HK3: variants seen among roughly 807,000 people sequenced by gnomAD.
HK3 encodes the protein hexokinase-3.
Under a neutral mutation model 91.0 loss-of-function variants are expected in HK3, and 93 were observed. The observed-to-expected ratio is 1.02, with a 90% CI of 0.86 to 1.21. The LOEUF (loss-of-function observed/expected upper bound fraction) is 1.21, where lower values mean the gene tolerates loss of function less well. Among genes scored for constraint, HK3 ranks in the 50% most tolerant of loss-of-function variants. HK3 has a pLI of 0.00. For synonymous variants in HK3, 519 were observed against 516.9 expected (o/e 1.00, Z -0.06); for missense variants, 1,235 against 1,247.4 (o/e 0.99, Z 0.15).
chr5:176,898,495 G>A (rs1038490688), intron 1 of HK3, among the ~76,000 whole-genome samples: 2 of 150,660 alleles, frequency 1.3e-5, no homozygotes, highest in Admixed American at 1.3e-4. Context: ...GGCTACACAC[G>A]TGTCTTTCTC....
chr5:176,896,207 C>A, intron 1 of HK3, 22 bp from the exon 2 acceptor site: 3 of 1,409,116 alleles, frequency 2.1e-6, no homozygotes, highest in East Asian at 2.3e-5. Flanking sequence ...AAGGGACAAC[C>A]TGGGTCAACC....
chr5:176,886,234 A>G (rs1758581088), intron 13 of HK3, among the ~76,000 whole-genome samples: 1 of 150,354 alleles, frequency 6.7e-6, no homozygotes, highest in Non-Finnish European at 1.5e-5. Flanking sequence ...CTTCATCTCA[A>G]AAAAAAAAAT....
chr5:176,881,656 C>T (rs146173758), intron 17 of HK3, 36 bp downstream of exon 17: 42,748 of 1,611,848 alleles, frequency 0.027, 782 homozygotes, highest in South Asian at 0.061. Context: ...CAGAAAGACC[C>T]CCTGAAGTGG....
intron 6 of HK3, 103 bp from the exon 7 acceptor site, chr5:176,889,847 A>G: frequency 2.3e-6 from 2 of 878,194 alleles, no homozygotes; most frequent in East Asian, 2.5e-5. Flanking sequence ...GGAGATACAT[A>G]GAGTCCATGA....
intron 9 of HK3, 39 bp from the exon 10 acceptor site, chr5:176,888,604 A>T (rs1265844748): frequency 6.2e-7 from 1 of 1,604,116 alleles, no homozygotes; most frequent in Admixed American, 1.7e-5. Flanking sequence ...CTCAGCCCAG[A>T]AGCTCCCCAT....
intron 13 of HK3, among the ~76,000 whole-genome samples, chr5:176,885,583 G>A (rs1351687938): frequency 2.6e-5 from 4 of 152,008 alleles, no homozygotes; most frequent in Admixed American, 1.3e-4. Context: ...TGCCACGCCC[G>A]GCTAATTTTT....
intron 3 of HK3, 62 bp from the exon 4 acceptor site, chr5:176,891,253 T>A: frequency 6.2e-7 from 1 of 1,612,990 alleles, no homozygotes; most frequent in Non-Finnish European, 8.5e-7. Flanking sequence ...CTCTGCCCAC[T>A]TCCCAAATTC....
chr5:176,883,209 T>C (rs781649298), intron 15 of HK3, among the ~76,000 whole-genome samples: 3 of 152,150 alleles, frequency 2.0e-5, no homozygotes, highest in Non-Finnish European at 4.4e-5. Flanking sequence ...TGTCTTCCTA[T>C]TCCTCTGTCC....
chr5:176,894,628 A>G (rs1758861307), intron 2 of HK3, among the ~76,000 whole-genome samples: 1 of 152,178 alleles, frequency 6.6e-6, no homozygotes, highest in South Asian at 2.1e-4. Context: ...ACAAGGGGGA[A>G]GTGGGAGCAT....
intron 2 of HK3, among the ~76,000 whole-genome samples, chr5:176,894,543 G>T (rs1017231823): frequency 9.2e-5 from 14 of 152,172 alleles, no homozygotes; most frequent in African/African-American, 3.4e-4. Context: ...CCCAGCCACC[G>T]CTGTCACTCC....
At position 176,882,058 on chromosome 5, in the gene HK3, C is replaced by T. The variant is rs149259055; in HGVS notation, c.2123G>A (p.Arg708His). Residue 708 changes from arginine to histidine, a missense_variant, in exon 16 of 19, where the codon CGC (arginine) becomes CAC (histidine). Physicochemically the swap from Arg to His is conservative, Grantham distance 29. Around this residue, in one of 3 missense-constraint regions of HK3, gnomAD observed 513 missense variants for 477.4 expected, o/e 1.07. Coordinates refer to ENST00000292432, the MANE Select transcript of HK3 (RefSeq NM_002115.3). ...NVAGVPGDSG[R>H]MCINMEWGAF... The stretch of plus-strand genomic sequence containing the variant: ...GCCCCACTCCATGTTGATGCACATG[C>T]GGCCTGAGTCCCCAGGCACGCCCGC... 1.8e-4 allele frequency: 298 copies of T among 1,613,042 alleles called. 1 individual carries two copies. The African/African-American group carries it at 2.6e-3, about 14-fold the overall frequency.
intron 2 of HK3, among the ~76,000 whole-genome samples, chr5:176,894,025 A>G (rs924669688): frequency 2.0e-5 from 3 of 152,194 alleles, no homozygotes; most frequent in Admixed American, 6.5e-5. Context: ...ATCTAGCAGG[A>G]ACAATAGTAC....
At position 176,887,843 on chromosome 5, in the gene HK3, G is replaced by A; in HGVS notation, c.1305-97C>T. The A allele has an allele frequency of 7.4e-7, 1 of 1,348,746 alleles. No individual in the cohort carries two copies. 83.5% of individuals were successfully genotyped at this position (1,348,746 alleles called of 1,614,324 possible). A position where few individuals can be genotyped will look rare whatever the true frequency, so the allele number is the denominator to read the frequency against. ...CCTGGACCCCCAGATACATACAGGT[G>A]TGCCCAGCTTGGCCCCAGACCCCTA... On this transcript the variant is annotated intron_variant, in intron 10 of 18. Transcript: ENST00000292432. The surrounding 1 kb of genome is among the most constrained non-coding windows in gnomAD (Gnocchi z 4.9).
At position 176,887,330 on chromosome 5, in the gene HK3, C is replaced by T; in HGVS notation, c.1608G>A (p.Gly536=). Residue 536 remains glycine, a synonymous_variant, in exon 12 of 19, where the codon GGG becomes GGA. Transcript: ENST00000292432. This position sits in a 1 kb window ranked among gnomAD's most constrained non-coding sequence, Gnocchi z 4.9. The part of the protein sequence containing the change: ...VRATPDGSER[G]DFLALDLGGT... Reference sequence around the variant, plus strand: ...CCCCGAGGTCCAGGGCCAGGAAATCCCCTCGCTCTGTGGGGGCAGAGACCC... The same window carrying T: ...CCCCGAGGTCCAGGGCCAGGAAATCTCCTCGCTCTGTGGGGGCAGAGACCC... 12 of 1,613,902 alleles carry T rather than the reference C, an allele frequency of 7.4e-6. No homozygotes were observed. The highest frequency in any genetic ancestry group is 1.0e-5 in the Non-Finnish European group (12 of 1,180,006).
intron 1 of HK3, among the ~76,000 whole-genome samples, chr5:176,898,178 G>C (rs566870019): frequency 2.6e-5 from 4 of 152,274 alleles, no homozygotes; most frequent in Middle Eastern, 3.4e-3. Context: ...TAAACTGATA[G>C]CTCTGCTTCT....
intron 5 of HK3, 46 bp from the exon 6 acceptor site, chr5:176,890,776 G>A (rs375349957): frequency 1.2e-5 from 19 of 1,614,058 alleles, no homozygotes; most frequent in Admixed American, 5.0e-5. Context: ...CCTTCATGGG[G>A]CTGCAGCCAC....
chr5:176,886,580 C>G (rs959029595), intron 13 of HK3, among the ~76,000 whole-genome samples: 42 of 151,902 alleles, frequency 2.8e-4, no homozygotes, highest in Admixed American at 6.6e-5. Context: ...GCCTGGCACT[C>G]TGCCACCCTA....
chr5:176,886,992 C>T lies in HK3; in HGVS notation c.1857+10G>A. On this transcript the variant is annotated intron_variant, in intron 13 of 18. Coordinates refer to ENST00000292432, the MANE Select transcript of HK3 (RefSeq NM_002115.3). Reference sequence around the variant, plus strand: ...GCCCTTGGGAATCACTTCTCTTGGCCCTCCCTCACCTGGTCTAGGCCAAGC... The same window carrying T: ...GCCCTTGGGAATCACTTCTCTTGGCTCTCCCTCACCTGGTCTAGGCCAAGC... The T allele has an allele frequency of 6.2e-7, 1 of 1,613,772 alleles. No homozygotes were observed. The highest frequency in any genetic ancestry group is 8.5e-7 in the Non-Finnish European group (1 of 1,179,898).
In HK3 at chr5:176,891,569, A is replaced by G. The variant is rs908430208; in HGVS notation, c.97-19T>C. ...CCTGCACCTGGGGAGAAACAGGCCA[A>G]CATCTGGGAAGGAGCACCATTGGGC... On this transcript the variant is annotated intron_variant, in intron 2 of 18. Transcript: ENST00000292432. The G allele has an allele frequency of 6.2e-7, 1 of 1,602,400 alleles. No homozygotes were observed. Among genetic ancestry groups the G allele is most frequent in the African/African-American group, 1.3e-5 (1 of 74,814 alleles).
Sources: gnomAD v4.1 joint callset for allele counts (sites outside exome capture counted in the v4.1 genomes callset) on GRCh38, gnomAD v4.1.1 for gene constraint, gnomAD v4.1.1 regional missense constraint, Gnocchi (gnomAD v3.1) non-coding constraint, MANE v1.5 for transcripts, NCBI Gene and HGNC (gene_info 2026-07-23, HGNC 2026-07-21) for gene names.